SND1: variants seen among roughly 807,000 people sequenced by gnomAD.
SND1 encodes staphylococcal nuclease and tudor domain containing 1.
A neutral mutation model predicts 121.7 loss-of-function variants in SND1; 38 were observed. That is an observed-to-expected ratio of 0.31 (90% CI 0.24 to 0.41). The LOEUF is 0.41. SND1 is among the 10% of genes least tolerant of loss of function. The pLI is 1.00. For synonymous variants in SND1, 401 were observed against 447.4 expected (o/e 0.90, Z 1.31); for missense variants, 868 against 1,184.6 (o/e 0.73, Z 3.92).
chr7:127,991,019 C>T lies in SND1; in HGVS notation c.1742C>T (p.Ala581Val). ...GAAGGAGAGCCCTTCAGCGAGGAAG[C>T]TACACTTTTCACCAAGGAACTGGTG... ...VQEGEPFSEE[A>V]TLFTKELVLQ... Residue 581 changes from alanine (A) to valine (V), a missense_variant, in exon 16 of 24, where the codon GCT (alanine) becomes GTT (valine). Coordinates refer to ENST00000354725, the MANE Select transcript of SND1 (RefSeq NM_014390.4). 6.2e-7 allele frequency: 1 copy of T among 1,613,988 alleles called. No homozygotes were observed. Among genetic ancestry groups the T allele is most frequent in the Non-Finnish European group, 8.5e-7 (1 of 1,179,916 alleles).
intron 15 of SND1, among the ~76,000 whole-genome samples, chr7:127,977,109 C>T (rs1802137577): frequency 2.6e-5 from 4 of 152,284 alleles, no homozygotes; most frequent in South Asian, 4.1e-4. Flanking sequence ...CATTTCACTG[C>T]GAACGCTTCC....
intron 16 of SND1, chr7:128,027,624 C>G (rs1803515020): frequency 6.6e-6 from 1 of 152,212 alleles, no homozygotes; most frequent in South Asian, 2.1e-4. Context: ...CACTCCCAAG[C>G]TCCCCAATTC....
Position 128,081,559 on chromosome 7 carries a change from G to T in SND1, c.2110+58G>T, listed in dbSNP as rs1793602784. On this transcript the variant is annotated intron_variant, in intron 18 of 23. Coordinates refer to ENST00000354725, the MANE Select transcript of SND1 (RefSeq NM_014390.4). ...GGCTTGGTCCAGCTGGCGCTGCCTG[G>T]GGGTAGGGGGCCTCTGCCCAGTGGG... 5.0e-6 allele frequency: 8 copies of T among 1,601,192 alleles called. No individual in the cohort carries two copies. The South Asian group carries it at 8.8e-5, about 18-fold the overall frequency.
At chr7:128,073,566 G>A (rs1793451830) in intron 16 of SND1, among the ~76,000 whole-genome samples, 2 of 152,146 alleles carry the variant, frequency 1.3e-5, no homozygotes, top group South Asian at 2.1e-4. Flanking sequence ...CTCCGACCTC[G>A]AGAATTCCCA....
chr7:127,702,436 T>C lies in SND1; in HGVS notation c.591T>C (p.Ala197=). ...TAAGCTGTTTATTCTGTCACACAGC[T>C]ATCATCGAGCATGTGCGGGACGGCA... The part of the protein sequence containing the change: ...VDSHHQKPVN[A]IIEHVRDGSV... Residue 197 remains alanine, a splice_region_variant and synonymous_variant, in exon 6 of 24, where the codon GCT becomes GCC. Coordinates refer to ENST00000354725, the MANE Select transcript of SND1 (RefSeq NM_014390.4). The C allele has an allele frequency of 6.2e-7, 1 of 1,613,962 alleles. No individual in the cohort carries two copies. The highest frequency in any genetic ancestry group is 8.5e-7 in the Non-Finnish European group (1 of 1,179,802).
chr7:128,014,113 T>C (rs1698683910), intron 16 of SND1, among the ~76,000 whole-genome samples: 1 of 152,182 alleles, frequency 6.6e-6, no homozygotes, highest in Non-Finnish European at 1.5e-5. Flanking sequence ...ACCTGGCCAC[T>C]TCTTTTGGAA....
intron 16 of SND1, among the ~76,000 whole-genome samples, chr7:128,021,052 CCT>C (rs1563090923): frequency 6.6e-6 from 1 of 152,040 alleles, no homozygotes; most frequent in African/African-American, 2.4e-5. Context: ...TTATTTTTTT[CCT>C]CTCTCCTTTC....
chr7:127,883,109 A>G (rs1352721566), intron 12 of SND1, among the ~76,000 whole-genome samples: 3 of 152,166 alleles, frequency 2.0e-5, no homozygotes, highest in African/African-American at 7.2e-5. Context: ...CACAGGTGAC[A>G]TGGGTCTCAC....
chr7:127,784,605 A>G (rs951998446), intron 10 of SND1, among the ~76,000 whole-genome samples: 2 of 152,194 alleles, frequency 1.3e-5, no homozygotes, highest in Admixed American at 6.5e-5. Context: ...ATCCAAGTGC[A>G]TTCCCACCAC....
intron 12 of SND1, among the ~76,000 whole-genome samples, chr7:127,885,254 A>G (rs1799874582): frequency 6.6e-6 from 1 of 152,188 alleles, no homozygotes; most frequent in African/African-American, 2.4e-5. Flanking sequence ...GTGATGGTGT[A>G]TCACATGGGG....
intron 16 of SND1, among the ~76,000 whole-genome samples, chr7:128,068,554 G>T (rs1174784601): frequency 6.6e-6 from 1 of 152,218 alleles, no homozygotes; most frequent in Non-Finnish European, 1.5e-5. Flanking sequence ...ACAGTTTGGG[G>T]TGGGGACAGG....
At chr7:127,750,049 A>G (rs1413896005) in intron 10 of SND1, among the ~76,000 whole-genome samples, 11 of 152,218 alleles carry the variant, frequency 7.2e-5, no homozygotes, top group Admixed American at 3.3e-4. Context: ...GCAGTGAGCC[A>G]TAATCATGCT....
chr7:127,818,601 G>A (rs1000316169), intron 11 of SND1, among the ~76,000 whole-genome samples: 1 of 152,270 alleles, frequency 6.6e-6, no homozygotes, highest in African/African-American at 2.4e-5. Flanking sequence ...AAGTCAGTAC[G>A]TCAGTGCCTT....
At chr7:127,738,286 CTTTTTT>C (rs889082580) in intron 10 of SND1, among the ~76,000 whole-genome samples, 2 of 122,662 alleles carry the variant, frequency 1.6e-5, no homozygotes, top group Non-Finnish European at 3.4e-5. Context: ...TTTTTTTTTT[CTTTTTT>C]TTTTTTTTTG....
chr7:127,705,033 G>T, intron 8 of SND1, 88 bp downstream of exon 8: 1 of 1,061,802 alleles, frequency 9.4e-7, no homozygotes, highest in South Asian at 1.3e-5. Context: ...ACACCCCTGT[G>T]TGTCAGTGTT....
intron 15 of SND1, among the ~76,000 whole-genome samples, chr7:127,976,288 C>T (rs1270904194): frequency 1.3e-5 from 2 of 152,264 alleles, no homozygotes; most frequent in Non-Finnish European, 2.9e-5. Context: ...TGCTGTCCTT[C>T]TTTTGTGCGG....
chr7:127,853,329 T>C (rs540480461), intron 12 of SND1, among the ~76,000 whole-genome samples: 3 of 152,186 alleles, frequency 2.0e-5, no homozygotes, highest in Non-Finnish European at 4.4e-5. Context: ...AGTATATAGA[T>C]AATAGACTTT....
At chr7:127,914,360 A>G (rs991043895) in intron 14 of SND1, among the ~76,000 whole-genome samples, 1 of 152,052 alleles carries the variant, frequency 6.6e-6, no homozygotes, top group Non-Finnish European at 1.5e-5. Context: ...CCTGCTGGCC[A>G]TGCCTTCTTC....
chr7:128,091,618 C>G (rs934671052), intron 22 of SND1, among the ~76,000 whole-genome samples: 1 of 152,118 alleles, frequency 6.6e-6, no homozygotes, highest in Non-Finnish European at 1.5e-5. Context: ...ACCAGAGGAG[C>G]GTTCCAGGCA....
Sources: allele counts gnomAD v4.1 joint callset (sites outside exome capture counted in the v4.1 genomes callset), GRCh38; gene constraint gnomAD v4.1.1; transcripts MANE v1.5; gene names NCBI Gene and HGNC (gene_info 2026-07-23, HGNC 2026-07-21).